SLCO3A1: variants seen among roughly 807,000 people sequenced by gnomAD.
The protein encoded by SLCO3A1 is PGE1 transporter.
SLCO3A1 carries 27 observed loss-of-function variants against 63.1 expected under a neutral mutation model. The observed-to-expected ratio is 0.43, with a 90% CI of 0.32 to 0.59. The LOEUF (loss-of-function observed/expected upper bound fraction) is 0.59, where lower values mean the gene tolerates loss of function less well. Ranked by LOEUF, SLCO3A1 falls within the 20% of genes least tolerant of loss-of-function variation. The probability of loss-of-function intolerance (pLI) is 0.09; values close to 1 mark genes in which losing one functional copy is unlikely to be tolerated. For synonymous variants in SLCO3A1, 473 were observed against 409.9 expected (o/e 1.15, Z -1.86); for missense variants, 773 against 945.8 (o/e 0.82, Z 2.40).
intron 2 of SLCO3A1, among the ~76,000 whole-genome samples, chr15:91,928,636 C>T (rs1055797723): frequency 2.0e-5 from 3 of 152,194 alleles, no homozygotes; most frequent in African/African-American, 7.2e-5. Context: ...TACCCACCTG[C>T]GGTGCTTTGT....
At chr15:92,009,210 G>T (rs1290542564) in intron 2 of SLCO3A1, among the ~76,000 whole-genome samples, 1 of 152,154 alleles carries the variant, frequency 6.6e-6, no homozygotes, top group East Asian at 1.9e-4. Flanking sequence ...GCAAACCTCT[G>T]CCTCACTCAC....
chr15:91,914,318 A>G (rs1458399108), intron 1 of SLCO3A1, among the ~76,000 whole-genome samples: 1 of 152,126 alleles, frequency 6.6e-6, no homozygotes, highest in Non-Finnish European at 1.5e-5. Context: ...ATTATTTTTA[A>G]TCTTCACATC....
intron 1 of SLCO3A1, among the ~76,000 whole-genome samples, chr15:91,880,806 T>A (rs1040456501): frequency 2.0e-5 from 3 of 152,208 alleles, no homozygotes; most frequent in Non-Finnish European, 4.4e-5. Flanking sequence ...AACAGAAGTA[T>A]CTGGGAGAGG....
chr15:92,111,682 T>G (rs1384499183), intron 4 of SLCO3A1, among the ~76,000 whole-genome samples: 1 of 152,202 alleles, frequency 6.6e-6, no homozygotes, highest in Non-Finnish European at 1.5e-5. Context: ...GCTGCACTTC[T>G]CAAGTTATTT....
intron 4 of SLCO3A1, among the ~76,000 whole-genome samples, chr15:92,117,472 C>T (rs1248566021): frequency 2.0e-5 from 3 of 152,170 alleles, no homozygotes; most frequent in South Asian, 2.1e-4. Flanking sequence ...CCCAGCCTGC[C>T]TATTTGACAT....
chr15:91,972,853 G>T (rs1180524742), intron 2 of SLCO3A1, among the ~76,000 whole-genome samples: 1 of 152,176 alleles, frequency 6.6e-6, no homozygotes, highest in Non-Finnish European at 1.5e-5. Context: ...GGGCATGGTG[G>T]CTCATGCCTG....
chr15:92,025,160 G>A (rs556250972), intron 2 of SLCO3A1, among the ~76,000 whole-genome samples: 2 of 133,630 alleles, frequency 1.5e-5, no homozygotes, highest in African/African-American at 2.7e-5. Context: ...TTTTTCTTAG[G>A]TTGTCCTTTT....
intron 2 of SLCO3A1, among the ~76,000 whole-genome samples, chr15:91,965,416 AG>A (rs1200633672): frequency 2.0e-5 from 3 of 152,230 alleles, no homozygotes; most frequent in African/African-American, 7.2e-5. Context: ...TAGACCTGAC[AG>A]GTCCAAATAA....
chr15:91,921,162 C>G (rs1898831286), intron 2 of SLCO3A1, among the ~76,000 whole-genome samples: 1 of 152,196 alleles, frequency 6.6e-6, no homozygotes, highest in Non-Finnish European at 1.5e-5. Context: ...GGTCTCATTC[C>G]TTGAATTTCA....
chr15:91,857,532 G>T (rs1057259103), intron 1 of SLCO3A1, among the ~76,000 whole-genome samples: 6 of 151,728 alleles, frequency 4.0e-5, no homozygotes, highest in Non-Finnish European at 7.3e-5. Context: ...CTTCTACTTG[G>T]GTTTTGGCTT....
At chr15:91,977,278 A>G (rs1901152626) in intron 2 of SLCO3A1, among the ~76,000 whole-genome samples, 1 of 152,166 alleles carries the variant, frequency 6.6e-6, no homozygotes, top group African/African-American at 2.4e-5. Flanking sequence ...ATGATGACCC[A>G]AGAGCTTCAG....
intron 1 of SLCO3A1, among the ~76,000 whole-genome samples, chr15:91,896,935 G>C (rs1377166659): frequency 6.6e-6 from 1 of 152,178 alleles, no homozygotes; most frequent in Non-Finnish European, 1.5e-5. Context: ...CTGAGGAGAG[G>C]TATTGTGGGC....
In SLCO3A1 at chr15:92,150,889, T is replaced by C. The variant is rs2048296183; in HGVS notation, c.1689-61T>C. ...CAGCAGCAAATGACTCTGGGGTCTG[T>C]TAATTACAGGGGAATGATAAAAATC... is the stretch of plus-strand genomic sequence containing the variant. On this transcript the variant is annotated intron_variant, in intron 8 of 9. Coordinates refer to ENST00000318445, the MANE Select transcript of SLCO3A1 (RefSeq NM_013272.4). 4.8e-6 allele frequency: 6 copies of C among 1,258,062 alleles called. No homozygotes were observed. The Admixed American group carries it at 5.8e-5, about 12-fold the overall frequency. 77.9% of individuals were successfully genotyped at this position (1,258,062 alleles called of 1,614,324 possible).
In SLCO3A1 at chr15:91,854,512, T is replaced by C; in HGVS notation, c.180+424T>C. ...CCAGTTAGCATCCTGCGTCCTCTAC[T>C]CTCCATTGCATCCTCCTCGAGAACA... On this transcript the variant is annotated intron_variant, in intron 1 of 9. Transcript: ENST00000318445. This position sits in a 1 kb window ranked among gnomAD's most constrained non-coding sequence, Gnocchi z 6.4. 3.5e-6 allele frequency: 1 copy of C among 282,276 alleles called. No homozygotes were observed. Among genetic ancestry groups the C allele is most frequent in the Non-Finnish European group, 5.4e-6 (1 of 184,554 alleles). 17.5% of individuals were successfully genotyped at this position (282,276 alleles called of 1,614,324 possible).
chr15:92,108,753 A>G (rs528238523), intron 4 of SLCO3A1, among the ~76,000 whole-genome samples: 2 of 151,976 alleles, frequency 1.3e-5, no homozygotes, highest in South Asian at 2.1e-4. Context: ...GTTTGCTGCT[A>G]TTTCTCCCTG....
intron 2 of SLCO3A1, among the ~76,000 whole-genome samples, chr15:91,991,980 G>C (rs1479855126): frequency 6.6e-6 from 1 of 152,196 alleles, no homozygotes; most frequent in African/African-American, 2.4e-5. Context: ...GAATTGCTGG[G>C]ATGGCACCAG....
rs1014259756 is a variant in SLCO3A1 at position 91,902,195 on chromosome 15, T to C, written c.181-13798T>C. Among the ~76,000 whole-genome samples the C allele has an allele frequency of 2.0e-5, 3 of 152,174 alleles. No homozygotes were observed. The South Asian group carries it at 6.2e-4, about 32-fold the overall frequency. ...CTTTTTTTAAGAAAAATATTTTCTG[T>C]ATCTCTTTTTTTAAGAGACAAGAGT... On this transcript the variant is annotated intron_variant, in intron 1 of 9. Transcript: ENST00000318445.
At chr15:91,906,507 G>A (rs1365586148) in intron 1 of SLCO3A1, among the ~76,000 whole-genome samples, 1 of 152,166 alleles carries the variant, frequency 6.6e-6, no homozygotes, top group Non-Finnish European at 1.5e-5. Context: ...GGGCCCTAGG[G>A]CATATAAAGA....
At chr15:91,918,962 A>G (rs1002902127) in intron 2 of SLCO3A1, among the ~76,000 whole-genome samples, 3 of 152,240 alleles carry the variant, frequency 2.0e-5, no homozygotes, top group Non-Finnish European at 4.4e-5. Flanking sequence ...AAATCGTGAC[A>G]CTATAGTGGA....
Sources: allele counts gnomAD v4.1 joint callset (sites outside exome capture counted in the v4.1 genomes callset), GRCh38; gene constraint gnomAD v4.1.1; non-coding constraint Gnocchi (gnomAD v3.1); transcripts MANE v1.5; gene names NCBI Gene and HGNC (gene_info 2026-07-23, HGNC 2026-07-21).